CCND3: variants seen among roughly 807,000 people sequenced by gnomAD.
CCND3 encodes G1/S-specific cyclin-D3.
A neutral mutation model predicts 28.7 loss-of-function variants in CCND3; 9 were observed. The ratio of observed to expected loss-of-function variants is 0.31; its 90% confidence interval spans 0.19 to 0.55. The LOEUF is 0.55. Among genes scored for constraint, CCND3 ranks in the 20% least tolerant of loss-of-function variants. The probability of loss-of-function intolerance (pLI) is 0.93; values close to 1 mark genes in which losing one functional copy is unlikely to be tolerated. For synonymous variants in CCND3, 164 were observed against 163.9 expected (o/e 1.00, Z 0.00); for missense variants, 315 against 385.8 (o/e 0.82, Z 1.54).
chr6:42,037,368 G>T (rs1211654552), intron 1 of CCND3, among the ~76,000 whole-genome samples: 4 of 151,886 alleles, frequency 2.6e-5, no homozygotes, highest in Admixed American at 2.6e-4. Context: ...CTCCCAAGTA[G>T]CTGGGACTAC....
intron 1 of CCND3, among the ~76,000 whole-genome samples, chr6:41,985,577 A>C (rs983682107): frequency 3.1e-4 from 47 of 149,580 alleles, no homozygotes; most frequent in African/African-American, 1.1e-3. Context: ...GGCCTCCCAG[A>C]GTGCTGGGAT....
At chr6:42,006,582 A>G (rs1333344420) in intron 1 of CCND3, among the ~76,000 whole-genome samples, 1 of 152,208 alleles carries the variant, frequency 6.6e-6, no homozygotes, top group East Asian at 1.9e-4. Context: ...ATGACTATCT[A>G]CGTGGAATCT....
At chr6:41,953,612 A>G (rs1229784392) in intron 1 of CCND3, among the ~76,000 whole-genome samples, 1 of 151,956 alleles carries the variant, frequency 6.6e-6, no homozygotes. Context: ...TCACCACTCC[A>G]GCCTCTCTGT....
At chr6:42,029,987 T>C (rs1002419576) in intron 1 of CCND3, 2 of 152,276 alleles carry the variant, frequency 1.3e-5, no homozygotes, top group African/African-American at 2.4e-5. Flanking sequence ...AGATGTCCAA[T>C]GTACCTGAGG....
intron 1 of CCND3, among the ~76,000 whole-genome samples, chr6:42,000,182 A>T (rs1762947868): frequency 6.6e-6 from 1 of 151,354 alleles, no homozygotes; most frequent in Admixed American, 6.6e-5. Flanking sequence ...TTAAAGGACC[A>T]AAATCCAAGA....
intron 1 of CCND3, among the ~76,000 whole-genome samples, chr6:41,988,699 C>CTTTTTTTTTTTT (rs758582662): frequency 1.0e-5 from 1 of 96,728 alleles, no homozygotes; most frequent in African/African-American, 3.4e-5. Flanking sequence ...AACTTCTTTT[C>CTTTTTTTTTTTT]TTTTTTTTTT....
At chr6:42,042,433 T>C (rs780366906) in intron 1 of CCND3, among the ~76,000 whole-genome samples, 1 of 151,582 alleles carries the variant, frequency 6.6e-6, no homozygotes, top group Non-Finnish European at 1.5e-5. Flanking sequence ...CGATCTCGGC[T>C]CACCACAACC....
chr6:41,983,882 G>A (rs1762411483), intron 1 of CCND3, among the ~76,000 whole-genome samples: 1 of 152,050 alleles, frequency 6.6e-6, no homozygotes, highest in African/African-American at 2.4e-5. Flanking sequence ...CCACCATGCT[G>A]TACAATAGAT....
intron 1 of CCND3, among the ~76,000 whole-genome samples, chr6:41,965,793 ATCGATGCCGTAGGGTTAAGG>A (rs1761871451): frequency 1.3e-5 from 2 of 152,150 alleles, no homozygotes; most frequent in Non-Finnish European, 2.9e-5. Flanking sequence ...TGATATGTTA[ATCGATGCCGTAGGGTTAAGG>A]TCGAACTTTC....
At chr6:41,977,969 C>CA (rs1174814782) in intron 1 of CCND3, among the ~76,000 whole-genome samples, 1 of 148,646 alleles carries the variant, frequency 6.7e-6, no homozygotes, top group Non-Finnish European at 1.5e-5. Flanking sequence ...GTGGGAGGAT[C>CA]ACTTGAGCTC....
chr6:41,949,365 C>T (rs901519269), intron 1 of CCND3, among the ~76,000 whole-genome samples: 76 of 152,044 alleles, frequency 5.0e-4, no homozygotes, highest in Non-Finnish European at 1.6e-4. Context: ...ATTAGCTAGG[C>T]ATGGTGACGC....
At chr6:41,949,925 T>C (rs1274641849) in intron 1 of CCND3, among the ~76,000 whole-genome samples, 2 of 149,816 alleles carry the variant, frequency 1.3e-5, no homozygotes. Context: ...AAACCCTGTC[T>C]TTACTAAAAA....
At chr6:42,038,413 G>T (rs1359336772) in intron 1 of CCND3, among the ~76,000 whole-genome samples, 2 of 151,962 alleles carry the variant, frequency 1.3e-5, no homozygotes, top group Admixed American at 1.3e-4. Flanking sequence ...GGTGGCTTGT[G>T]CCTGTGGTCC....
intron 1 of CCND3, among the ~76,000 whole-genome samples, chr6:42,024,204 C>G (rs372622943): frequency 1.3e-5 from 2 of 151,844 alleles, no homozygotes; most frequent in Admixed American, 1.3e-4. Flanking sequence ...GAGATGGAGA[C>G]CATCCTGGCT....
In CCND3 at chr6:41,936,162, G is replaced by A. The variant is rs202197675; in HGVS notation, c.712-55C>T. 1.1e-4 allele frequency: 163 copies of A among 1,510,386 alleles called. No individual in the cohort carries two copies. Among genetic ancestry groups the A allele is most frequent in the Non-Finnish European group, 1.4e-5 (16 of 1,125,142 alleles). The allele number at this position is 1,510,386 out of a possible 1,614,324, so 93.6% of individuals were successfully genotyped here. A position where few individuals can be genotyped will look rare whatever the true frequency, so the allele number is the denominator to read the frequency against. On this transcript the variant is annotated intron_variant, in intron 4 of 4. Transcript: ENST00000372991. The surrounding 1 kb of genome is among the most constrained non-coding windows in gnomAD (Gnocchi z 4.4). ...AACACTCCCCCCATAGCATCTGGCA[G>A]CAGGTGCAGGGGAAGGACAGCTCCC...
chr6:41,936,263 A>C lies in CCND3; in HGVS notation c.712-156T>G. 1.2e-6 allele frequency: 1 copy of C among 816,978 alleles called. No homozygotes were observed. Among genetic ancestry groups the C allele is most frequent in the Non-Finnish European group, 1.9e-6 (1 of 534,980 alleles). 50.6% of individuals were successfully genotyped at this position (816,978 alleles called of 1,614,324 possible). On this transcript the variant is annotated intron_variant, in intron 4 of 4. Transcript: ENST00000372991. The surrounding 1 kb of genome is among the most constrained non-coding windows in gnomAD (Gnocchi z 4.4). ...CGCTCTTTAGTTCTCAGAAACTAGCAAGAGGATGTGGCAAGGGAGTGTGAG... is the reference window on the plus strand; with the variant it reads ...CGCTCTTTAGTTCTCAGAAACTAGCCAGAGGATGTGGCAAGGGAGTGTGAG...
At chr6:41,990,308 A>G (rs976873625) in intron 1 of CCND3, among the ~76,000 whole-genome samples, 1 of 152,146 alleles carries the variant, frequency 6.6e-6, no homozygotes, top group Admixed American at 6.6e-5. Context: ...AGATGATACA[A>G]ATGGAAAGAC....
intron 1 of CCND3, among the ~76,000 whole-genome samples, chr6:41,966,471 A>G (rs141925997): frequency 8.5e-5 from 13 of 152,316 alleles, no homozygotes; most frequent in Middle Eastern, 3.4e-3. Context: ...ACTGAAAATC[A>G]GAATCTTAGG....
intron 1 of CCND3, among the ~76,000 whole-genome samples, chr6:41,990,214 A>T (rs1762607260): frequency 1.3e-5 from 2 of 152,144 alleles, no homozygotes; most frequent in Admixed American, 1.3e-4. Context: ...TCTAAAAAAA[A>T]AACCTACAAA....
Sources: allele counts gnomAD v4.1 joint callset (sites outside exome capture counted in the v4.1 genomes callset), GRCh38; gene constraint gnomAD v4.1.1; non-coding constraint Gnocchi (gnomAD v3.1); transcripts MANE v1.5; gene names NCBI Gene and HGNC (gene_info 2026-07-23, HGNC 2026-07-21).